Variants in STK31 observed in about 807,000 individuals in gnomAD.
STK31 encodes serine/threonine-protein kinase 31.
Under a neutral mutation model 129.7 loss-of-function variants are expected in STK31, and 89 were observed. The ratio of observed to expected loss-of-function variants is 0.69; its 90% confidence interval spans 0.58 to 0.82. The LOEUF (loss-of-function observed/expected upper bound fraction) is 0.82. STK31 is among the 40% of genes least tolerant of loss of function. The probability of loss-of-function intolerance (pLI) is 0.00; values close to 1 mark genes in which losing one functional copy is unlikely to be tolerated. For synonymous variants in STK31, 448 were observed against 395.3 expected (o/e 1.13, Z -1.58); for missense variants, 1,187 against 1,176.4 (o/e 1.01, Z -0.13).
chr7:23,774,858 A>G (rs539418869), intron 15 of STK31, among the ~76,000 whole-genome samples: 14 of 152,280 alleles, frequency 9.2e-5, no homozygotes, highest in South Asian at 2.1e-4. Flanking sequence ...GCCCATGCCT[A>G]TGTCCTGAAT....
At chr7:23,718,583 A>G (rs1786498508) in intron 4 of STK31, among the ~76,000 whole-genome samples, 1 of 152,236 alleles carries the variant, frequency 6.6e-6, no homozygotes, top group South Asian at 2.1e-4. Context: ...TTCTTAAATC[A>G]TGGAGTATGT....
At chr7:23,784,371 G>A (rs16873451) in intron 17 of STK31, among the ~76,000 whole-genome samples, 35,721 of 152,020 alleles carry the variant, frequency 0.23, 4,853 homozygotes, top group East Asian at 0.39. Context: ...TAAGATTAAA[G>A]TTCCCTAACT....
chr7:23,742,379 G>A (rs996766416), intron 8 of STK31, among the ~76,000 whole-genome samples: 7 of 152,208 alleles, frequency 4.6e-5, no homozygotes, highest in African/African-American at 1.7e-4. Flanking sequence ...TTTTGGAGCA[G>A]TACAGTGGCT....
At chr7:23,832,045 T>G in intron 23 of STK31, 91 bp from the exon 24 acceptor site, 1 of 871,016 alleles carries the variant, frequency 1.1e-6, no homozygotes, top group Non-Finnish European at 1.8e-6. Context: ...CCTTCCTGAC[T>G]GTATTTATTG....
chr7:23,728,158 A>G (rs1027375922), intron 5 of STK31, among the ~76,000 whole-genome samples: 1 of 140,420 alleles, frequency 7.1e-6, no homozygotes, highest in Admixed American at 7.9e-5. Flanking sequence ...AATTCTGAAT[A>G]GCTGTTTGGT....
At chr7:23,795,943 A>C (rs1791924575) in intron 22 of STK31, among the ~76,000 whole-genome samples, 1 of 152,204 alleles carries the variant, frequency 6.6e-6, no homozygotes, top group African/African-American at 2.4e-5. Context: ...AGGCAGAAGG[A>C]ACTTGCCTTA....
At chr7:23,783,512 C>A in intron 16 of STK31, 71 bp from the exon 17 acceptor site, 2 of 1,092,242 alleles carry the variant, frequency 1.8e-6, no homozygotes, top group Non-Finnish European at 1.3e-6. Context: ...GATATATTTT[C>A]CTGAAGAGCA....
chr7:23,815,193 A>G lies in STK31; in HGVS notation c.2810A>G (p.Lys937Arg), dbSNP rs552362939. 1.1e-4 allele frequency: 183 copies of G among 1,594,164 alleles called. 2 individuals carry two copies. In the South Asian group the frequency reaches 2.0e-3, roughly 17 times the overall value. Residue 937 changes from lysine to arginine, a missense_variant, in exon 23 of 24, where the codon AAA becomes AGA. Lys to Arg is a conservative substitution (Grantham distance 26). This residue lies in a region of STK31 where 975 missense variants were observed against 934.9 expected (regional missense o/e 1.04). Transcript: ENST00000355870. The stretch of plus-strand genomic sequence containing the variant: ...GAGATAAATAAAGATGGAATCCCCA[A>G]AGTGGATCAGTTTCATCTGGTATGT... ...EFEINKDGIP[K>R]VDQFHLDDKV...
At chr7:23,740,648 C>A (rs983573256) in intron 8 of STK31, among the ~76,000 whole-genome samples, 3 of 152,002 alleles carry the variant, frequency 2.0e-5, no homozygotes, top group Non-Finnish European at 4.4e-5. Context: ...TTCACCACTC[C>A]CCCCACCCCA....
chr7:23,746,350 TGAG>T (rs1044125303), intron 8 of STK31, among the ~76,000 whole-genome samples: 4 of 152,328 alleles, frequency 2.6e-5, no homozygotes, highest in African/African-American at 7.2e-5. Flanking sequence ...TTCTATGCAT[TGAG>T]GAGCCTGTCC....
In STK31 at chr7:23,710,315, T is replaced by C. The variant is rs1174798016; in HGVS notation, c.30T>C (p.Ala10=). The C allele has an allele frequency of 3.0e-5, 48 of 1,613,218 alleles. No homozygotes were observed. The highest frequency in any genetic ancestry group is 4.0e-5 in the Non-Finnish European group (47 of 1,179,938). The part of the protein sequence containing the change: MWVQGHSSR[A]SATESVSFSG... ...GGGTCCAGGGTCACTCTTCTAGAGCTTCCGCAACGGAAAGTGTGAGGTCAG... is the reference window on the plus strand; with the variant it reads ...GGGTCCAGGGTCACTCTTCTAGAGCCTCCGCAACGGAAAGTGTGAGGTCAG... The change falls in exon 1 of 24, where the codon GCT becomes GCC. Residue 10 remains alanine (A), a synonymous_variant. Coordinates refer to ENST00000355870, the MANE Select transcript of STK31 (RefSeq NM_031414.5).
chr7:23,721,576 A>C, intron 4 of STK31: 2 of 928,944 alleles, frequency 2.2e-6, no homozygotes, highest in Non-Finnish European at 3.6e-6. Flanking sequence ...CCCTTTGCGG[A>C]ATCCCCTTGG....
intron 10 of STK31, among the ~76,000 whole-genome samples, chr7:23,761,415 G>A (rs1398459285): frequency 1.4e-5 from 2 of 146,030 alleles, no homozygotes; most frequent in East Asian, 4.0e-4. Flanking sequence ...TTGCCATGTG[G>A]CCATATGCTT....
chr7:23,802,194 G>A (rs1398665551), intron 22 of STK31, among the ~76,000 whole-genome samples: 1 of 152,160 alleles, frequency 6.6e-6, no homozygotes, highest in Non-Finnish European at 1.5e-5. Context: ...GGTTTATATT[G>A]GAGAAGGGAG....
intron 3 of STK31, among the ~76,000 whole-genome samples, chr7:23,714,710 T>C (rs944389599): frequency 6.6e-6 from 1 of 152,226 alleles, no homozygotes; most frequent in Non-Finnish European, 1.5e-5. Flanking sequence ...CTAGTGCAGC[T>C]CTAGACTTTG....
At chr7:23,765,305 T>C (rs554673314) in intron 11 of STK31, among the ~76,000 whole-genome samples, 12 of 152,272 alleles carry the variant, frequency 7.9e-5, no homozygotes, top group African/African-American at 2.4e-4. Context: ...CTACCCACCT[T>C]GGCCTCCAAA....
At chr7:23,781,146 GAA>G (rs1356037652) in intron 15 of STK31, among the ~76,000 whole-genome samples, 2 of 152,164 alleles carry the variant, frequency 1.3e-5, no homozygotes, top group African/African-American at 4.8e-5. Context: ...TTATCTTAGA[GAA>G]AATCTACAGC....
At chr7:23,808,169 A>ATTTTTT (rs1554297151) in intron 22 of STK31, among the ~76,000 whole-genome samples, 13 of 146,384 alleles carry the variant, frequency 8.9e-5, no homozygotes, top group African/African-American at 3.3e-4. Context: ...ATATATATAT[A>ATTTTTT]TTTTTTGTAG....
chr7:23,723,994 T>A (rs1173996722), intron 4 of STK31, among the ~76,000 whole-genome samples: 1 of 152,038 alleles, frequency 6.6e-6, no homozygotes, highest in African/African-American at 2.4e-5. Flanking sequence ...ATACCTTGGT[T>A]TAGGAAGGGG....
Sources: allele counts gnomAD v4.1 joint callset (sites outside exome capture counted in the v4.1 genomes callset), GRCh38; gene constraint gnomAD v4.1.1; regional missense constraint gnomAD v4.1.1; transcripts MANE v1.5; gene names NCBI Gene and HGNC (gene_info 2026-07-23, HGNC 2026-07-21).